PRKD3: variants seen among roughly 807,000 people sequenced by gnomAD.
PRKD3 encodes protein kinase D3.
A neutral mutation model predicts 99.2 loss-of-function variants in PRKD3; 47 were observed. The ratio of observed to expected loss-of-function variants is 0.47; its 90% CI spans 0.38 to 0.60. The LOEUF (loss-of-function observed/expected upper bound fraction) is 0.60. PRKD3 is among the 20% of genes least tolerant of loss of function. The pLI is 0.00. For synonymous variants in PRKD3, 392 were observed against 355.4 expected, an observed-to-expected ratio of 1.10 and a Z score of -1.16; for missense variants, 1,019 against 1,088.4, an observed-to-expected ratio of 0.94 and a Z score of 0.90.
intron 2 of PRKD3, among the ~76,000 whole-genome samples, chr2:37,306,227 C>A (rs1379634493): frequency 2.0e-5 from 3 of 152,156 alleles, no homozygotes; most frequent in Admixed American, 6.5e-5. Context: ...TAAGTGGCCT[C>A]CCAGCTGTGA....
chr2:37,257,808 T>C (rs1031881238), intron 16 of PRKD3, among the ~76,000 whole-genome samples: 2 of 152,196 alleles, frequency 1.3e-5, no homozygotes, highest in East Asian at 3.9e-4. Context: ...TAATTTTAAA[T>C]GGGGACACCA....
At chr2:37,307,365 C>T (rs1671211631) in intron 2 of PRKD3, among the ~76,000 whole-genome samples, 1 of 152,162 alleles carries the variant, frequency 6.6e-6, no homozygotes, top group Non-Finnish European at 1.5e-5. Context: ...GCCTTTTGCA[C>T]AATCCCAGGA....
At chr2:37,308,861 A>G (rs1227117389) in intron 2 of PRKD3, among the ~76,000 whole-genome samples, 1 of 151,814 alleles carries the variant, frequency 6.6e-6, no homozygotes, top group African/African-American at 2.4e-5. Flanking sequence ...TTAATTTCTC[A>G]TGACTCCTTT....
intron 13 of PRKD3, 91 bp downstream of exon 13, chr2:37,269,524 A>G (rs770616517): frequency 8.6e-7 from 1 of 1,159,106 alleles, no homozygotes; most frequent in African/African-American, 1.5e-5. Flanking sequence ...ACTGGACAAA[A>G]CTATGAGATG....
intron 1 of PRKD3, among the ~76,000 whole-genome samples, chr2:37,322,496 GGA>G (rs1558588472): frequency 6.6e-6 from 1 of 152,212 alleles, no homozygotes; most frequent in African/African-American, 2.4e-5. Context: ...GCTCTGCTCA[GGA>G]ACTGAAAAGT....
At chr2:37,258,345 G>A (rs1401456975) in intron 16 of PRKD3, among the ~76,000 whole-genome samples, 3 of 152,278 alleles carry the variant, frequency 2.0e-5, no homozygotes, top group African/African-American at 7.2e-5. Context: ...TACTGAGCCT[G>A]AAGAAATACA....
At chr2:37,300,656 TATTA>T (rs1472106043) in intron 2 of PRKD3, among the ~76,000 whole-genome samples, 4 of 152,236 alleles carry the variant, frequency 2.6e-5, no homozygotes, top group Non-Finnish European at 4.4e-5. Context: ...TATGTACAAC[TATTA>T]TTTATCCAGA....
At chr2:37,323,881 C>T (rs1454087723) in intron 1 of PRKD3, among the ~76,000 whole-genome samples, 1 of 152,174 alleles carries the variant, frequency 6.6e-6, no homozygotes, top group African/African-American at 2.4e-5. Flanking sequence ...GACACAGTTA[C>T]GTCCATGCCA....
At chr2:37,286,102 A>C in intron 6 of PRKD3, 75 bp downstream of exon 6, 1 of 1,215,308 alleles carries the variant, frequency 8.2e-7, no homozygotes, top group Non-Finnish European at 1.1e-6. Flanking sequence ...TGCTTCTGAA[A>C]TATAAATATT....
chr2:37,303,553 G>C (rs1466339547), intron 2 of PRKD3, among the ~76,000 whole-genome samples: 1 of 151,920 alleles, frequency 6.6e-6, no homozygotes, highest in African/African-American at 2.4e-5. Context: ...CCACAGGTAT[G>C]AAGTCTGCTC....
intron 9 of PRKD3, 27 bp downstream of exon 9, chr2:37,277,839 C>T (rs1202189823): frequency 6.2e-7 from 1 of 1,604,210 alleles, no homozygotes; most frequent in African/African-American, 1.3e-5. Context: ...GTCTTACTAG[C>T]ATATTCAAAT....
At chr2:37,268,575 G>A in intron 13 of PRKD3, 1 of 250,128 alleles carries the variant, frequency 4.0e-6, no homozygotes, top group Non-Finnish European at 7.9e-6. Flanking sequence ...ATGTTGGGTA[G>A]CAGGAGTACC....
rs944383146 is a variant in PRKD3 at position 37,253,136 on chromosome 2, C to A, written c.*41G>T. 5 of 1,531,842 alleles carry A rather than the reference C, an allele frequency of 3.3e-6. No individual in the cohort carries two copies. The South Asian group carries it at 4.8e-5, about 15-fold the overall frequency. 94.9% of individuals were successfully genotyped at this position (1,531,842 alleles called of 1,614,324 possible). On this transcript the variant is annotated 3_prime_UTR_variant, in exon 19 of 19. Coordinates refer to ENST00000234179, the MANE Select transcript of PRKD3 (RefSeq NM_005813.6). ...ACAAGTTACACAGCAAAATATCAGT[C>A]CATAAAATGAAATCCTTCCTTATTT...
At chr2:37,294,851 G>C (rs981584449) in intron 2 of PRKD3, among the ~76,000 whole-genome samples, 2 of 152,204 alleles carry the variant, frequency 1.3e-5, no homozygotes, top group Admixed American at 6.5e-5. Flanking sequence ...AAGGCAGGCA[G>C]ATCATTTGAG....
Position 37,293,239 on chromosome 2 carries a change from G to C in PRKD3, c.321C>G (p.Asp107Glu), listed in dbSNP as rs370745975. ...FPECGFFGMY[D>E]KILLFRHDMN... ...TGTCATGGCGAAAGAGAAGAATTTT[G>C]TCATACATGCCAAAGAATCCACACT... Residue 107 changes from aspartate to glutamate, a missense_variant, in exon 3 of 19, where the codon GAC becomes GAG. By Grantham distance (45) the Asp-to-Glu change is conservative. This residue lies in a region of PRKD3 where 710 missense variants were observed against 692.7 expected (regional missense o/e 1.02). Transcript: ENST00000234179. 3.1e-6 allele frequency: 5 copies of C among 1,602,436 alleles called. No individual in the cohort carries two copies. The African/African-American group carries it at 5.4e-5, about 17-fold the overall frequency.
At chr2:37,296,285 C>A (rs1284561831) in intron 2 of PRKD3, among the ~76,000 whole-genome samples, 1 of 151,814 alleles carries the variant, frequency 6.6e-6, no homozygotes, top group African/African-American at 2.4e-5. Flanking sequence ...TAAATATAAC[C>A]TTCTTAATAA....
chr2:37,260,113 C>A, intron 15 of PRKD3, 110 bp downstream of exon 15: 1 of 971,826 alleles, frequency 1.0e-6, no homozygotes, highest in Non-Finnish European at 1.5e-6. Flanking sequence ...TGCAGTGAGC[C>A]AGATTGCACC....
In PRKD3 at chr2:37,286,346, A is replaced by T. The variant is rs1312802629; in HGVS notation, c.741T>A (p.Ser247Arg). Residue 247 changes from serine (S) to arginine (R), a missense_variant, in exon 6 of 19, where the codon AGT becomes AGA. Ser to Arg is a moderately radical substitution (Grantham distance 110). Transcript: ENST00000234179. ...SEESHVHQEP[S>R]KRIPSWSGRP... ...GACCACTCCAAGAAGGAATTCTCTT[A>T]CTTGGTTCCTGGTGGACATGTGACT... The T allele has an allele frequency of 1.2e-6, 2 of 1,613,884 alleles. No homozygotes were observed. Among genetic ancestry groups the T allele is most frequent in the Non-Finnish European group, 1.7e-6 (2 of 1,179,870 alleles).
intron 18 of PRKD3, among the ~76,000 whole-genome samples, chr2:37,253,619 T>C (rs1667693267): frequency 6.6e-6 from 1 of 152,202 alleles, no homozygotes. Flanking sequence ...CTTAGGTGGC[T>C]AATAATAATC....
Sources: gnomAD v4.1 joint callset for allele counts (sites outside exome capture counted in the v4.1 genomes callset) on GRCh38, gnomAD v4.1.1 for gene constraint, gnomAD v4.1.1 regional missense constraint, MANE v1.5 for transcripts, NCBI Gene and HGNC (gene_info 2026-07-23, HGNC 2026-07-21) for gene names.